Variants in GFRA3 observed in about 807,000 individuals in gnomAD.
GFRA3 encodes the protein GDNF family receptor alpha-3.
A neutral mutation model predicts 40.0 loss-of-function variants in GFRA3; 24 were observed. The ratio of observed to expected loss-of-function variants is 0.60; its 90% CI spans 0.43 to 0.84. The LOEUF is 0.84. GFRA3 is among the 40% of genes least tolerant of loss of function. The probability of loss-of-function intolerance (pLI) is 0.00; values close to 1 mark genes in which losing one functional copy is unlikely to be tolerated. For synonymous variants in GFRA3, 203 were observed against 213.5 expected (o/e 0.95, Z 0.43); for missense variants, 405 against 530.6 (o/e 0.76, Z 2.33).
intron 1 of GFRA3, among the ~76,000 whole-genome samples, chr5:138,268,064 T>C (rs917034595): frequency 4.6e-5 from 7 of 151,772 alleles, no homozygotes; most frequent in Non-Finnish European, 1.0e-4. Context: ...GCGGGTGGAT[T>C]ACCTGAGGTC....
At chr5:138,258,022 C>T (rs1030379136) in intron 3 of GFRA3, 71 bp from the exon 4 acceptor site, 14 of 1,225,404 alleles carry the variant, frequency 1.1e-5, no homozygotes, top group Non-Finnish European at 1.7e-5. Flanking sequence ...CCACAGGAAC[C>T]CCGGAAACCC....
Position 138,252,920 on chromosome 5 carries a change from AGTCCACCTGGGTGTG to A in GFRA3, c.*33_*47del. The A allele has an allele frequency of 9.8e-7, 1 of 1,023,134 alleles. No individual in the cohort carries two copies. Among genetic ancestry groups the A allele is most frequent in the South Asian group, 1.3e-5 (1 of 77,536 alleles). 63.4% of individuals were successfully genotyped at this position (1,023,134 alleles called of 1,614,324 possible). ...CTTTCCTCACCCCTTGTGGGCTGCA[AGTCCACCTGGGTGTG>A]GTGGAGGGGAAGAGGGCCCTGGGGA... On this transcript the variant is annotated 3_prime_UTR_variant, in exon 8 of 8. Coordinates refer to ENST00000274721, the MANE Select transcript of GFRA3 (RefSeq NM_001496.4).
At chr5:138,256,248 G>A (rs966027731) in intron 4 of GFRA3, among the ~76,000 whole-genome samples, 1 of 139,602 alleles carries the variant, frequency 7.2e-6, no homozygotes, top group Admixed American at 7.6e-5. Context: ...AAAAAAAATC[G>A]CTGGGCACGG....
chr5:138,258,715 G>A (rs997398096), intron 3 of GFRA3, among the ~76,000 whole-genome samples: 2 of 152,050 alleles, frequency 1.3e-5, no homozygotes, highest in African/African-American at 4.8e-5. Context: ...TCTATTTTAG[G>A]TTTCTGGTTT....
intron 2 of GFRA3, among the ~76,000 whole-genome samples, chr5:138,263,990 C>G (rs1025549483): frequency 1.3e-5 from 2 of 152,134 alleles, no homozygotes; most frequent in African/African-American, 4.8e-5. Flanking sequence ...AGGAACTCCC[C>G]AGGTTGGGCC....
intron 1 of GFRA3, among the ~76,000 whole-genome samples, chr5:138,272,635 CCT>C (rs1180603356): frequency 7.5e-6 from 1 of 133,978 alleles, no homozygotes; most frequent in Non-Finnish European, 1.7e-5. Flanking sequence ...AGATTGATAC[CCT>C]GTCTCAAAAA....
At chr5:138,268,087 C>T (rs2126619295) in intron 1 of GFRA3, among the ~76,000 whole-genome samples, 1 of 152,048 alleles carries the variant, frequency 6.6e-6, no homozygotes, top group Middle Eastern at 3.4e-3. Flanking sequence ...GAGTTCGAGA[C>T]TAGCCTGATC....
At chr5:138,256,541 A>C (rs1755632090) in intron 4 of GFRA3, among the ~76,000 whole-genome samples, 1 of 73,916 alleles carries the variant, frequency 1.4e-5, no homozygotes, top group Admixed American at 1.8e-4. Flanking sequence ...AAAAACAAAC[A>C]AAAAAAAACA....
intron 1 of GFRA3, 150 bp from the exon 2 acceptor site, chr5:138,264,698 G>C: frequency 1.7e-6 from 1 of 601,874 alleles, no homozygotes; most frequent in Non-Finnish European, 2.9e-6. Flanking sequence ...AGTGTGGAGA[G>C]AGAGAGAAGC....
chr5:138,272,349 CA>C (rs1435460875), intron 1 of GFRA3, among the ~76,000 whole-genome samples: 1 of 150,554 alleles, frequency 6.6e-6, no homozygotes, highest in Non-Finnish European at 1.5e-5. Flanking sequence ...ATTTAAAAAT[CA>C]GATTTTAGGC....
At chr5:138,268,328 ATTATAGAAGATAACATTGG>A in intron 1 of GFRA3, among the ~76,000 whole-genome samples, 1 of 148,652 alleles carries the variant, frequency 6.7e-6, no homozygotes, top group Non-Finnish European at 1.5e-5. Flanking sequence ...AACTATAAAA[ATTATAGAAGATAACATTGG>A]AAAAATCCTT....
intron 1 of GFRA3, among the ~76,000 whole-genome samples, chr5:138,269,693 A>T (rs563405682): frequency 6.6e-6 from 1 of 150,988 alleles, no homozygotes; most frequent in South Asian, 2.1e-4. Flanking sequence ...AATACAAAAA[A>T]TTAGCTGGGC....
intron 4 of GFRA3, among the ~76,000 whole-genome samples, chr5:138,255,624 C>G (rs1209971718): frequency 1.3e-5 from 2 of 152,116 alleles, no homozygotes; most frequent in East Asian, 1.9e-4. Flanking sequence ...GTTGGGCAAG[C>G]ATGGTGGTTC....
At chr5:138,271,736 G>A (rs1418197700) in intron 1 of GFRA3, among the ~76,000 whole-genome samples, 1 of 148,486 alleles carries the variant, frequency 6.7e-6, no homozygotes, top group East Asian at 1.9e-4. Flanking sequence ...GCACTACCAC[G>A]CCCAGCTAAT....
intron 1 of GFRA3, among the ~76,000 whole-genome samples, chr5:138,270,419 G>A (rs1183374914): frequency 6.6e-6 from 1 of 151,028 alleles, no homozygotes; most frequent in African/African-American, 2.4e-5. Flanking sequence ...CAGCAACCTA[G>A]ATGAGATTGG....
At chr5:138,267,188 C>CTTTTTTTTTT (rs56245236) in intron 1 of GFRA3, 1 of 101,342 alleles carries the variant, frequency 9.9e-6, no homozygotes, top group Non-Finnish European at 1.9e-5. Context: ...TTCTTTTATG[C>CTTTTTTTTTT]TTTTTTTTTT....
Position 138,254,173 on chromosome 5 carries a change from A to T in GFRA3, c.786-13T>A. ...CACCAGGCGTGATCTGGAAGAAGGG[A>T]AATTTCTGTCTTTCTTTTTTTTTTT... On this transcript the variant is annotated splice_polypyrimidine_tract_variant and intron_variant, in intron 4 of 7. Coordinates refer to ENST00000274721, the MANE Select transcript of GFRA3 (RefSeq NM_001496.4). The T allele has an allele frequency of 6.8e-7, 1 of 1,465,052 alleles. No individual in the cohort carries two copies. 90.8% of individuals were successfully genotyped at this position (1,465,052 alleles called of 1,614,324 possible).
chr5:138,269,658 A>G (rs1287277211), intron 1 of GFRA3, among the ~76,000 whole-genome samples: 1 of 151,788 alleles, frequency 6.6e-6, no homozygotes, highest in South Asian at 2.1e-4. Flanking sequence ...CCTGGCCAAC[A>G]TGGTGAAACC....
In GFRA3 at chr5:138,259,595, C is replaced by T; in HGVS notation, c.434G>A (p.Trp145Ter). The T allele has an allele frequency of 6.3e-7, 1 of 1,574,900 alleles. No homozygotes were observed. The highest frequency in any genetic ancestry group is 8.7e-7 in the Non-Finnish European group (1 of 1,144,214). ...GTTCAGTTTGCTGAGATTCATTTTCCAGGGTTTGCTGGTCACTGTGTCTTC... is the reference window on the plus strand; with the variant it reads ...GTTCAGTTTGCTGAGATTCATTTTCTAGGGTTTGCTGGTCACTGTGTCTTC... ...PYEDTVTSKPWKMNLSKLNML... is the reference protein window; with the variant it reads ...PYEDTVTSKP The change falls in exon 3 of 8, where the codon TGG becomes TAG. Residue 145 changes from tryptophan to a stop codon, truncating the protein, a stop_gained. Coordinates refer to ENST00000274721, the MANE Select transcript of GFRA3 (RefSeq NM_001496.4). LOFTEE classifies it high-confidence loss of function.
Sources: allele counts gnomAD v4.1 joint callset (sites outside exome capture counted in the v4.1 genomes callset), GRCh38; gene constraint gnomAD v4.1.1; transcripts MANE v1.5; gene names NCBI Gene and HGNC (gene_info 2026-07-23, HGNC 2026-07-21).